The following EIF4B variants were observed in gnomAD, a reference collection of about 807,000 sequenced individuals.
The protein encoded by EIF4B is eukaryotic translation initiation factor 4B.
A neutral mutation model predicts 79.3 loss-of-function variants in EIF4B; 8 were observed. The ratio of observed to expected loss-of-function variants is 0.10; its 90% CI spans 0.06 to 0.18. EIF4B has a LOEUF of 0.18. Among genes scored for constraint, EIF4B ranks in the 10% least tolerant of loss-of-function variants. EIF4B has a pLI of 1.00. For synonymous variants in EIF4B, 238 were observed against 274.7 expected (o/e 0.87, Z 1.32); for missense variants, 515 against 792.4 (o/e 0.65, Z 4.20).
At chr12:53,024,496 C>G (rs1943302482) in intron 6 of EIF4B, among the ~76,000 whole-genome samples, 1 of 152,104 alleles carries the variant, frequency 6.6e-6, no homozygotes, top group Non-Finnish European at 1.5e-5. Context: ...TAGTCTGTAA[C>G]ATATTTCTTT....
chr12:53,029,399 G>A (rs1046709361), intron 8 of EIF4B, among the ~76,000 whole-genome samples: 3 of 140,938 alleles, frequency 2.1e-5, no homozygotes, highest in African/African-American at 7.8e-5. Flanking sequence ...TTGAGACGGA[G>A]TCTTGCTCTG....
At chr12:53,027,986 G>C in intron 7 of EIF4B, 29 bp from the exon 8 acceptor site, 2 of 1,607,876 alleles carry the variant, frequency 1.2e-6, no homozygotes, top group Non-Finnish European at 1.7e-6. Flanking sequence ...CCTCCGCTGT[G>C]ATGATTATAA....
Position 53,031,909 on chromosome 12 carries a change from C to T in EIF4B, c.980-1897C>T, listed in dbSNP as rs537170322. Among the ~76,000 whole-genome samples, 66 of 152,346 alleles carry T rather than the reference C, an allele frequency of 4.3e-4. 1 individual carries two copies. Among genetic ancestry groups the T allele is most frequent in the Middle Eastern group, 6.8e-3 (2 of 294 alleles). ...ATTACTTAAGCCAGGTGATTGTATA[C>T]ATAGGCTTTCTTTATATTCTCTGTA... On this transcript the variant is annotated intron_variant, in intron 8 of 14. Transcript: ENST00000262056.
At chr12:53,027,639 T>C in intron 6 of EIF4B, 143 bp from the exon 7 acceptor site, 1 of 1,398,760 alleles carries the variant, frequency 7.1e-7, no homozygotes, top group Non-Finnish European at 9.6e-7. Flanking sequence ...TGAGCAACAA[T>C]TATTTCACCA....
At chr12:53,039,409 C>A in intron 13 of EIF4B, 66 bp downstream of exon 13, 5 of 1,395,140 alleles carry the variant, frequency 3.6e-6, no homozygotes, top group Admixed American at 2.3e-5. Context: ...AAATTAAGTT[C>A]TTGGTTCTCA....
At chr12:53,029,003 A>G (rs1039899099) in intron 8 of EIF4B, among the ~76,000 whole-genome samples, 4 of 151,866 alleles carry the variant, frequency 2.6e-5, no homozygotes, top group Non-Finnish European at 5.9e-5. Flanking sequence ...GCACATACCT[A>G]TCATCCCAGC....
intron 3 of EIF4B, 140 bp downstream of exon 3, chr12:53,019,146 C>A: frequency 9.4e-7 from 1 of 1,059,898 alleles, no homozygotes; most frequent in Non-Finnish European, 1.3e-6. Context: ...CGCCTGTAAT[C>A]CCAGCACTCT....
At chr12:53,027,162 CAT>C (rs1354900829) in intron 6 of EIF4B, among the ~76,000 whole-genome samples, 41 of 9,404 alleles carry the variant, frequency 4.4e-3, no homozygotes, top group Admixed American at 7.3e-3. Flanking sequence ...TTTTTTGAGA[CAT>C]AGTCTCACTC....
At chr12:53,025,194 C>G in intron 6 of EIF4B, 2 of 455,470 alleles carry the variant, frequency 4.4e-6, no homozygotes, top group South Asian at 1.6e-5. Flanking sequence ...TGATTAACTT[C>G]AGCATTTATG....
At chr12:53,038,580 C>A in intron 12 of EIF4B, 169 bp downstream of exon 12, 1 of 381,356 alleles carries the variant, frequency 2.6e-6, no homozygotes, top group Non-Finnish European at 4.6e-6. Context: ...TTTGGGAGGC[C>A]AAGGCGGGCA....
rs200433061 is a variant in EIF4B at position 53,018,862 on chromosome 12, C to G, written c.216C>G (p.Ile72Met). 1 of 1,613,810 alleles carries G rather than the reference C, an allele frequency of 6.2e-7. No homozygotes were observed. Among genetic ancestry groups the G allele is most frequent in the East Asian group, 2.2e-5 (1 of 44,882 alleles). The change falls in exon 3 of 15, where the codon ATC becomes ATG. Residue 72 changes from isoleucine (I) to methionine (M), a missense_variant. Ile to Met is a conservative substitution (Grantham distance 10, BLOSUM62 1). This residue lies in a region of EIF4B where 105 missense variants were observed against 177.2 expected (regional missense o/e 0.59). Transcript: ENST00000262056. ...VYRAPPIDRS[I>M]LPTAPRAARE... is the part of the protein sequence containing the mutation. ...GGGCGCCTCCAATTGACCGTTCCATCCTTCCCACTGCTCCACGGGCTGCTC... is the reference window on the plus strand; with the variant it reads ...GGGCGCCTCCAATTGACCGTTCCATGCTTCCCACTGCTCCACGGGCTGCTC...
intron 6 of EIF4B, chr12:53,025,246 GA>G (rs1943314626): frequency 6.6e-6 from 3 of 455,660 alleles, no homozygotes; most frequent in Non-Finnish European, 8.8e-6. Flanking sequence ...GCTCTTGAAA[GA>G]AAAAGCAGAC....
intron 8 of EIF4B, among the ~76,000 whole-genome samples, chr12:53,030,108 G>A (rs146865222): frequency 8.4e-4 from 82 of 97,700 alleles, no homozygotes; most frequent in Middle Eastern, 5.3e-3. Context: ...TGTAGTCCCC[G>A]TGTCTTAGGA....
intron 1 of EIF4B, among the ~76,000 whole-genome samples, chr12:53,011,209 G>A (rs1943058543): frequency 1.3e-5 from 2 of 152,186 alleles, no homozygotes; most frequent in South Asian, 4.1e-4. Context: ...CAAGGCTGCA[G>A]TGAGCCATTA....
chr12:53,018,713 T>TTGGCAATTAACA, intron 2 of EIF4B, 85 bp from the exon 3 acceptor site: 1 of 1,495,818 alleles, frequency 6.7e-7, no homozygotes, highest in Non-Finnish European at 9.2e-7. Flanking sequence ...TGTTTAATAT[T>TTGGCAATTAACA]TGGCAATTAA....
At chr12:53,009,096 T>C (rs1441181850) in intron 1 of EIF4B, among the ~76,000 whole-genome samples, 1 of 152,236 alleles carries the variant, frequency 6.6e-6, no homozygotes, top group Non-Finnish European at 1.5e-5. Context: ...GTGACTACTT[T>C]AGTAGACTTG....
chr12:53,009,334 G>A (rs1427993209), intron 1 of EIF4B, among the ~76,000 whole-genome samples: 3 of 152,012 alleles, frequency 2.0e-5, no homozygotes, highest in Non-Finnish European at 2.9e-5. Flanking sequence ...GACCAGCCTG[G>A]CCAACATGGT....
Position 53,034,685 on chromosome 12 carries a change from G to A in EIF4B, c.1282G>A (p.Gly428Arg), listed in dbSNP as rs1382541715. Residue 428 changes from glycine to arginine, a missense_variant, in exon 10 of 15, where the codon GGG becomes AGG. Physicochemically the swap from Gly to Arg is moderately radical, Grantham distance 125 (BLOSUM62 -2). Around this residue, in one of 6 missense-constraint regions of EIF4B, gnomAD observed 146 missense variants for 228.0 expected, o/e 0.64. Coordinates refer to ENST00000262056, the MANE Select transcript of EIF4B (RefSeq NM_001417.7). ...GACAGGAAGTGAGTCATCACAAACTGGGACCTCCACCACATCTAGCAGAAG... is the reference window on the plus strand; with the variant it reads ...GACAGGAAGTGAGTCATCACAAACTAGGACCTCCACCACATCTAGCAGAAG... ...SRTGSESSQT[G>R]TSTTSSRNAR... is the part of the protein sequence containing the mutation. 1 of 1,614,000 alleles carries A rather than the reference G, an allele frequency of 6.2e-7. No homozygotes were observed. Among genetic ancestry groups the A allele is most frequent in the Non-Finnish European group, 8.5e-7 (1 of 1,179,904 alleles).
At chr12:53,025,083 A>G (rs1943312221) in intron 6 of EIF4B, 1 of 367,240 alleles carries the variant, frequency 2.7e-6, no homozygotes. Context: ...AAGGAAGAAG[A>G]ATGGGTCATA....
Sources: allele counts gnomAD v4.1 joint callset (sites outside exome capture counted in the v4.1 genomes callset), GRCh38; gene constraint gnomAD v4.1.1; regional missense constraint gnomAD v4.1.1; transcripts MANE v1.5; gene names NCBI Gene and HGNC (gene_info 2026-07-23, HGNC 2026-07-21).